The following SRP68 variants were observed in gnomAD, a reference collection of about 807,000 sequenced individuals.
The protein encoded by SRP68 is signal recognition particle subunit SRP68.
SRP68 carries 15 observed loss-of-function variants against 82.2 expected under a neutral mutation model. The ratio of observed to expected loss-of-function variants is 0.18; its 90% confidence interval spans 0.12 to 0.28. SRP68 has a LOEUF of 0.28. SRP68 is among the 10% of genes least tolerant of loss of function. The pLI is 1.00. For missense variants in SRP68, 595 were observed against 780.5 expected, an observed-to-expected ratio of 0.76 and a Z score of 2.83; for synonymous variants, 261 against 292.6, an observed-to-expected ratio of 0.89 and a Z score of 1.10.
chr17:76,071,130 T>C lies in SRP68; in HGVS notation c.185-686A>G, dbSNP rs1270363007. ...ATTAACACCTAGACCCCACATTTTA[T>C]TCATTCAGATTCAGGTTATAAATGA... On this transcript the variant is annotated intron_variant, in intron 1 of 15. Coordinates refer to ENST00000307877, the MANE Select transcript of SRP68 (RefSeq NM_014230.4). The surrounding 1 kb of genome is among the most constrained non-coding windows in gnomAD (Gnocchi z 4.7). Among the ~76,000 whole-genome samples, 1 of 152,208 alleles carries C rather than the reference T, an allele frequency of 6.6e-6. No individual in the cohort carries two copies. Among genetic ancestry groups the C allele is most frequent in the African/African-American group, 2.4e-5 (1 of 41,440 alleles).
Position 76,072,460 on chromosome 17 carries a change from C to G in SRP68, c.32G>C (p.Gly11Ala). The G allele has an allele frequency of 6.3e-7, 1 of 1,582,732 alleles. No individual in the cohort carries two copies. The highest frequency in any genetic ancestry group is 8.5e-7 in the Non-Finnish European group (1 of 1,170,864). The change falls in exon 1 of 16, where the codon GGC (glycine) becomes GCC (alanine). Residue 11 changes from glycine to alanine, a missense_variant. Gly to Ala is a moderately conservative substitution (Grantham distance 60). Around this residue, in one of 2 missense-constraint regions of SRP68, gnomAD observed 100 missense variants for 91.9 expected, o/e 1.09. Transcript: ENST00000307877. The surrounding 1 kb of genome is among the most constrained non-coding windows in gnomAD (Gnocchi z 4.5). ...GCCGCCGCCACTGCCGCCGCCGCCG[C>G]CGCCGCCTGGGACCTGCTTCTCAGC... Reference protein sequence around the residue: MAAEKQVPGGGGGGGSGGGGG... With the variant: MAAEKQVPGGAGGGGSGGGGG...
intron 3 of SRP68, among the ~76,000 whole-genome samples, chr17:76,064,735 G>A (rs939912171): frequency 2.6e-5 from 4 of 151,864 alleles, no homozygotes; most frequent in African/African-American, 9.7e-5. Context: ...CAGCTACTTG[G>A]GAGGCTGAGG....
At chr17:76,048,355 G>A (rs755395988) in intron 9 of SRP68, 30 of 154,342 alleles carry the variant, frequency 1.9e-4, no homozygotes, top group Non-Finnish European at 3.6e-4. Flanking sequence ...GTGGCTGGCC[G>A]AATAACATAC....
chr17:76,058,698 T>C (rs371485856), intron 7 of SRP68, among the ~76,000 whole-genome samples: 4 of 152,334 alleles, frequency 2.6e-5, no homozygotes, highest in African/African-American at 9.6e-5. Context: ...AGCATATCTG[T>C]ATACGCTACA....
At chr17:76,040,323 T>G in intron 15 of SRP68, 96 bp downstream of exon 15, 1 of 1,250,668 alleles carries the variant, frequency 8.0e-7, no homozygotes, top group South Asian at 1.2e-5. Flanking sequence ...GGGGTTTCCT[T>G]AGAAATTTAG....
intron 4 of SRP68, 35 bp from the exon 5 acceptor site, chr17:76,061,609 C>T (rs1349360660): frequency 6.5e-7 from 1 of 1,542,128 alleles, no homozygotes; most frequent in Admixed American, 1.7e-5. Flanking sequence ...ACTGCTTCAA[C>T]AGCAAACCAG....
At chr17:76,044,035 CG>C in intron 12 of SRP68, 77 bp from the exon 13 acceptor site, 1 of 1,500,588 alleles carries the variant, frequency 6.7e-7, no homozygotes, top group Non-Finnish European at 8.9e-7. Context: ...GCAGTTTAGG[CG>C]AAATTTCACA....
At chr17:76,046,009 C>A in intron 11 of SRP68, 29 bp downstream of exon 11, 1 of 1,612,940 alleles carries the variant, frequency 6.2e-7, no homozygotes, top group Non-Finnish European at 8.5e-7. Flanking sequence ...AAACCACAGG[C>A]CCTTGCCTTC....
rs537285475 is a variant in SRP68, at chr17:76,072,062, C to T, written c.184+246G>A. ...GACAACTGCGGGGCACCAGGGGAAACCTGCCTGATATCCCAGTGCCACTGG... is the reference window on the plus strand; with the variant it reads ...GACAACTGCGGGGCACCAGGGGAAATCTGCCTGATATCCCAGTGCCACTGG... On this transcript the variant is annotated intron_variant, in intron 1 of 15. Transcript: ENST00000307877. This position sits in a 1 kb window ranked among gnomAD's most constrained non-coding sequence, Gnocchi z 4.5. 2.9e-6 allele frequency: 2 copies of T among 680,554 alleles called. No individual in the cohort carries two copies. The highest frequency in any genetic ancestry group is 4.7e-6 in the Non-Finnish European group (2 of 426,548). The allele number at this position is 680,554 out of a possible 1,614,324, so 42.2% of individuals were successfully genotyped here.
At chr17:76,047,241 T>C (rs1479129719) in intron 10 of SRP68, among the ~76,000 whole-genome samples, 2 of 152,264 alleles carry the variant, frequency 1.3e-5, no homozygotes, top group African/African-American at 4.8e-5. Flanking sequence ...CCTGAGCCTC[T>C]GGAGTATCTG....
rs1199361330 is a variant in SRP68 at position 76,039,953 on chromosome 17, G to A, written c.1657-20C>T. 6.2e-6 allele frequency: 10 copies of A among 1,611,864 alleles called. No homozygotes were observed. In the Admixed American group the frequency reaches 6.7e-5, roughly 11 times the overall value. ...CAGAGGCTGGAAGTCAAATCAAAGA[G>A]ACGTATGTAGCATCGGTCACAGAAC... On this transcript the variant is annotated intron_variant, in intron 15 of 15. Transcript: ENST00000307877.
Position 76,072,421 on chromosome 17 carries a change from C to T in SRP68, c.71G>A (p.Gly24Asp), listed in dbSNP as rs1194959914. The change falls in exon 1 of 16, where the codon GGC (glycine) becomes GAC (aspartate). Residue 24 changes from glycine to aspartate, a missense_variant. This residue lies in a region of SRP68 where 100 missense variants were observed against 91.9 expected (regional missense o/e 1.09). Transcript: ENST00000307877. This position sits in a 1 kb window ranked among gnomAD's most constrained non-coding sequence, Gnocchi z 4.5. The part of the protein sequence containing the change: ...GGSGGGGGSG[G>D]GGSGGGRGAG... ...ACCACGTCCACCGCCGCTACCGCCG[C>T]CGCCACTGCCACCGCCGCCGCCACT... The T allele has an allele frequency of 3.2e-6, 5 of 1,585,386 alleles. No individual in the cohort carries two copies. Among genetic ancestry groups the T allele is most frequent in the Non-Finnish European group, 3.4e-6 (4 of 1,167,702 alleles).
chr17:76,065,082 C>T (rs942704653), intron 3 of SRP68, among the ~76,000 whole-genome samples: 16 of 152,110 alleles, frequency 1.1e-4, no homozygotes, highest in Non-Finnish European at 4.4e-5. Context: ...GTGAATCTTT[C>T]TTTACTGCCT....
In SRP68 at chr17:76,072,410, C is replaced by T. The variant is rs2066860960; in HGVS notation, c.82G>A (p.Gly28Ser). 3 of 1,595,936 alleles carry T rather than the reference C, an allele frequency of 1.9e-6. No individual in the cohort carries two copies. Among genetic ancestry groups the T allele is most frequent in the Non-Finnish European group, 2.6e-6 (3 of 1,176,080 alleles). The change falls in exon 1 of 16, where the codon GGC (glycine) becomes AGC (serine). Residue 28 changes from glycine (G) to serine (S), a missense_variant. Physicochemically the swap from Gly to Ser is moderately conservative, Grantham distance 56 (BLOSUM62 0). This residue lies in a region of SRP68 where 100 missense variants were observed against 91.9 expected (regional missense o/e 1.09). Coordinates refer to ENST00000307877, the MANE Select transcript of SRP68 (RefSeq NM_014230.4). The surrounding 1 kb of genome is among the most constrained non-coding windows in gnomAD (Gnocchi z 4.5). ...TCCCCTCCGGCACCACGTCCACCGC[C>T]GCTACCGCCGCCGCCACTGCCACCG... The part of the protein sequence containing the change: ...GGGGSGGGGS[G>S]GGRGAGGEEN...
intron 9 of SRP68, chr17:76,049,771 C>T (rs2144495806): frequency 6.6e-6 from 1 of 152,234 alleles, no homozygotes; most frequent in East Asian, 1.9e-4. Context: ...ATCAGTGGTG[C>T]AGGCTCAATG....
rs1452027577 is a variant in SRP68 at position 76,071,392 on chromosome 17, T to C, written c.184+916A>G. Reference sequence around the variant, plus strand: ...TAGAAAGTCCAATGACCTTCATCTATATAGGTATAGTTTTAATGTTTCCTC... The same window carrying C: ...TAGAAAGTCCAATGACCTTCATCTACATAGGTATAGTTTTAATGTTTCCTC... On this transcript the variant is annotated intron_variant, in intron 1 of 15. Transcript: ENST00000307877. This position sits in a 1 kb window ranked among gnomAD's most constrained non-coding sequence, Gnocchi z 4.7. 6.6e-6 allele frequency among the ~76,000 whole-genome samples: 1 copy of C among 152,214 alleles called. No homozygotes were observed. Among genetic ancestry groups the C allele is most frequent in the Admixed American group, 6.5e-5 (1 of 15,284 alleles).
At position 76,050,411 on chromosome 17, in the gene SRP68, T is replaced by C. The variant is rs1232103782; in HGVS notation, c.1077+17A>G. Reference sequence around the variant, plus strand: ...ACCCGCCCAGAGCAAGAACCAGGGCTCGGCTGAGGGTCCTACCTGATCTGG... The same window carrying C: ...ACCCGCCCAGAGCAAGAACCAGGGCCCGGCTGAGGGTCCTACCTGATCTGG... On this transcript the variant is annotated intron_variant, in intron 9 of 15. Coordinates refer to ENST00000307877, the MANE Select transcript of SRP68 (RefSeq NM_014230.4). The C allele has an allele frequency of 1.3e-6, 2 of 1,599,570 alleles. No individual in the cohort carries two copies. Among genetic ancestry groups the C allele is most frequent in the Non-Finnish European group, 8.6e-7 (1 of 1,167,156 alleles).
chr17:76,062,744 T>A (rs1422891758), intron 4 of SRP68, among the ~76,000 whole-genome samples: 1 of 74,066 alleles, frequency 1.4e-5, no homozygotes, highest in Non-Finnish European at 2.2e-5. Flanking sequence ...TATATATATA[T>A]ATATATATAT....
intron 2 of SRP68, among the ~76,000 whole-genome samples, 152 bp downstream of exon 2, chr17:76,070,222 CAAAA>C (rs386386662): frequency 5.2e-5 from 5 of 95,514 alleles, no homozygotes; most frequent in Non-Finnish European, 1.0e-4. Context: ...GACTCCATCT[CAAAA>C]AAAAAAAAAA....
Sources: allele counts gnomAD v4.1 joint callset (sites outside exome capture counted in the v4.1 genomes callset), GRCh38; gene constraint gnomAD v4.1.1; regional missense constraint gnomAD v4.1.1; non-coding constraint Gnocchi (gnomAD v3.1); transcripts MANE v1.5; gene names NCBI Gene and HGNC (gene_info 2026-07-23, HGNC 2026-07-21).